HMCN1: variants seen among roughly 807,000 people sequenced by gnomAD.
The protein encoded by HMCN1 is hemicentin 1.
A neutral mutation model predicts 625.9 loss-of-function variants in HMCN1; 321 were observed. The observed-to-expected ratio is 0.51, with a 90% CI of 0.47 to 0.56. The LOEUF is 0.56. Among genes scored for constraint, HMCN1 ranks in the 20% least tolerant of loss-of-function variants. HMCN1 has a pLI of 0.00. For synonymous variants in HMCN1, 2,425 were observed against 2,417.6 expected (o/e 1.00, Z -0.09); for missense variants, 6,588 against 6,887.3 (o/e 0.96, Z 1.54).
At chr1:186,087,745 A>C in intron 60 of HMCN1, 100 bp downstream of exon 60, 1 of 1,291,616 alleles carries the variant, frequency 7.7e-7, no homozygotes, top group Non-Finnish European at 1.1e-6. Flanking sequence ...GTGAAAAATG[A>C]TTTTCATTAA....
intron 55 of HMCN1, among the ~76,000 whole-genome samples, chr1:186,079,245 A>G (rs762993053): frequency 3.3e-5 from 5 of 152,016 alleles, no homozygotes; most frequent in Non-Finnish European, 4.4e-5. Context: ...GCATAGCTCT[A>G]TGGCTGGCCT....
At chr1:185,953,456 G>A (rs568610847) in intron 11 of HMCN1, among the ~76,000 whole-genome samples, 19 of 151,896 alleles carry the variant, frequency 1.3e-4, no homozygotes, top group Non-Finnish European at 1.9e-4. Context: ...TTGGGTCCAC[G>A]GATAAAACGT....
At chr1:185,798,861 T>G (rs760963536) in intron 1 of HMCN1, among the ~76,000 whole-genome samples, 40 of 152,160 alleles carry the variant, frequency 2.6e-4, no homozygotes, top group Non-Finnish European at 5.7e-4. Context: ...ACATTTTGAA[T>G]TCTTTATCTG....
chr1:186,087,487 G>C lies in HMCN1; in HGVS notation c.9205G>C (p.Val3069Leu). The change falls in exon 60 of 107, where the codon GTT (valine) becomes CTT (leucine). Residue 3069 changes from valine to leucine, a missense_variant. Val to Leu is a conservative substitution (Grantham distance 32, BLOSUM62 1). Around this residue, in one of 3 missense-constraint regions of HMCN1, gnomAD observed 4,628 missense variants for 4,853.1 expected, o/e 0.95. Coordinates refer to ENST00000271588, the MANE Select transcript of HMCN1 (RefSeq NM_031935.3). The stretch of plus-strand genomic sequence containing the variant: ...CCATGACAGTGAATCTCTTTCTGTA[G>C]TTAATGTAAGAGAGGGAACTTCTGT... ...KDHDSESLSV[V>L]NVREGTSVSL... 1 of 1,613,264 alleles carries C rather than the reference G, an allele frequency of 6.2e-7. No homozygotes were observed.
At chr1:185,768,505 A>G (rs1285802230) in intron 1 of HMCN1, among the ~76,000 whole-genome samples, 5 of 152,222 alleles carry the variant, frequency 3.3e-5, no homozygotes, top group African/African-American at 9.6e-5. Flanking sequence ...AAGAGAGTGC[A>G]TACCCTTATG....
chr1:185,954,468 C>T (rs1397964917), intron 11 of HMCN1, among the ~76,000 whole-genome samples: 1 of 152,060 alleles, frequency 6.6e-6, no homozygotes, highest in African/African-American at 2.4e-5. Context: ...CTGAGAGAAG[C>T]TTGAGAATTT....
At chr1:186,104,981 A>G (rs576429718) in intron 69 of HMCN1, among the ~76,000 whole-genome samples, 4 of 152,354 alleles carry the variant, frequency 2.6e-5, no homozygotes, top group African/African-American at 9.6e-5. Flanking sequence ...AAAAATGACA[A>G]ATAAAGCTTG....
At chr1:185,905,302 C>A (rs547556666) in intron 4 of HMCN1, among the ~76,000 whole-genome samples, 1 of 151,710 alleles carries the variant, frequency 6.6e-6, no homozygotes, top group South Asian at 2.1e-4. Flanking sequence ...AATCAGGAAT[C>A]TTCTATATTT....
At chr1:185,937,842 C>T (rs1667890319) in intron 11 of HMCN1, among the ~76,000 whole-genome samples, 1 of 150,934 alleles carries the variant, frequency 6.6e-6, no homozygotes, top group South Asian at 2.1e-4. Flanking sequence ...GATCACGCCT[C>T]TGCACTCCAG....
intron 1 of HMCN1, among the ~76,000 whole-genome samples, chr1:185,750,314 A>C (rs936913962): frequency 7.9e-5 from 12 of 152,170 alleles, no homozygotes; most frequent in African/African-American, 2.9e-4. Context: ...TTTTGTGTAG[A>C]GTTCTACCTA....
intron 11 of HMCN1, among the ~76,000 whole-genome samples, chr1:185,952,023 G>A (rs78450131): frequency 2.3e-4 from 35 of 151,864 alleles, no homozygotes; most frequent in Middle Eastern, 3.4e-3. Flanking sequence ...AGAATAAGAC[G>A]GCCTTTAGAC....
intron 6 of HMCN1, among the ~76,000 whole-genome samples, chr1:185,918,120 A>G (rs1666815390): frequency 6.6e-6 from 1 of 152,320 alleles, no homozygotes; most frequent in Admixed American, 6.5e-5. Context: ...TCTCAAGTCA[A>G]AGTCCCACAA....
intron 40 of HMCN1, among the ~76,000 whole-genome samples, chr1:186,042,295 T>C (rs1229356543): frequency 6.6e-6 from 1 of 152,212 alleles, no homozygotes; most frequent in African/African-American, 2.4e-5. Context: ...TTATGCTTTA[T>C]GAAGAACTGG....
rs764732417 is a variant in HMCN1, at chr1:186,130,676, C to T, written c.13209C>T (p.Ser4403=). Residue 4403 remains serine, a synonymous_variant, in exon 85 of 107, where the codon TCC becomes TCT. Coordinates refer to ENST00000271588, the MANE Select transcript of HMCN1 (RefSeq NM_031935.3). ...GAATCCGGCAACTGGGCAATGGCTC[C>T]CTGGCCATCTATGGCACTGTTGTAA... The part of the protein sequence containing the change: ...SHRIRQLGNG[S]LAIYGTVNED... The T allele has an allele frequency of 4.3e-6, 7 of 1,612,818 alleles. No homozygotes were observed. In the Admixed American group the frequency reaches 1.0e-4, roughly 23 times the overall value.
chr1:186,166,674 C>A (rs149935678), intron 99 of HMCN1, 134 bp from the exon 100 acceptor site: 4 of 1,288,388 alleles, frequency 3.1e-6, no homozygotes, highest in South Asian at 1.3e-5. Context: ...GTGACTCAAC[C>A]AAAAACTTTA....
chr1:186,029,177 T>A (rs4651291), intron 36 of HMCN1, among the ~76,000 whole-genome samples: 94,437 of 152,012 alleles, frequency 0.62, 30,236 homozygotes, highest in African/African-American at 0.79. Flanking sequence ...AATAATTTTT[T>A]TCTCTAACTC....
chr1:185,865,161 T>C (rs191617623), intron 3 of HMCN1, among the ~76,000 whole-genome samples: 23 of 152,336 alleles, frequency 1.5e-4, no homozygotes, highest in Non-Finnish European at 3.1e-4. Context: ...AGACCTGGCT[T>C]TGCCTCATAG....
intron 4 of HMCN1, among the ~76,000 whole-genome samples, chr1:185,901,790 G>A (rs551338895): frequency 2.6e-5 from 4 of 151,854 alleles, no homozygotes; most frequent in Admixed American, 6.6e-5. Flanking sequence ...CCTAATCCCA[G>A]TTGAAATTAA....
At chr1:186,037,884 C>T (rs1655940264) in intron 36 of HMCN1, 50 bp from the exon 37 acceptor site, 2 of 1,101,448 alleles carry the variant, frequency 1.8e-6, no homozygotes, top group Non-Finnish European at 2.8e-6. Context: ...ACAATTTCAG[C>T]TTAAATATTC....
Sources: allele counts gnomAD v4.1 joint callset (sites outside exome capture counted in the v4.1 genomes callset), GRCh38; gene constraint gnomAD v4.1.1; regional missense constraint gnomAD v4.1.1; transcripts MANE v1.5; gene names NCBI Gene and HGNC (gene_info 2026-07-23, HGNC 2026-07-21).